Variants in MEF2B observed in about 807,000 individuals in gnomAD.
MEF2B encodes myocyte enhancer factor 2B, also known as myocyte-specific enhancer factor 2B.
A neutral mutation model predicts 32.2 loss-of-function variants in MEF2B; 15 were observed. The ratio of observed to expected loss-of-function variants is 0.47; its 90% CI spans 0.31 to 0.72. The LOEUF is 0.72. MEF2B is among the 30% of genes least tolerant of loss of function. The probability of loss-of-function intolerance (pLI) is 0.05; values close to 1 mark genes in which losing one functional copy is unlikely to be tolerated. For missense variants in MEF2B, 441 were observed against 511.5 expected (o/e 0.86, Z 1.33); for synonymous variants, 205 against 225.6 (o/e 0.91, Z 0.82).
At chr19:19,157,104 G>A (rs1439300594) in intron 1 of MEF2B, 3 of 238,100 alleles carry the variant, frequency 1.3e-5, no homozygotes, top group Non-Finnish European at 2.8e-5. Flanking sequence ...GAGCGATGAT[G>A]ATCTTGTAAG....
At chr19:19,153,472 T>C (rs935121737) in intron 1 of MEF2B, among the ~76,000 whole-genome samples, 1 of 152,048 alleles carries the variant, frequency 6.6e-6, no homozygotes, top group Non-Finnish European at 1.5e-5. Flanking sequence ...TTATCATTAT[T>C]TTGAGACAGA....
intron 1 of MEF2B, among the ~76,000 whole-genome samples, chr19:19,166,653 G>T (rs2060211229): frequency 6.6e-6 from 1 of 150,520 alleles, no homozygotes; most frequent in African/African-American, 2.4e-5. Flanking sequence ...CAGCTACTCG[G>T]GAGACTGAGG....
intron 1 of MEF2B, among the ~76,000 whole-genome samples, chr19:19,152,727 T>G (rs564373414): frequency 2.0e-5 from 3 of 152,280 alleles, no homozygotes; most frequent in Admixed American, 6.5e-5. Context: ...GAAATCCAGA[T>G]TGTTCTCTGG....
At chr19:19,160,959 C>A (rs920690162) in intron 1 of MEF2B, among the ~76,000 whole-genome samples, 1 of 152,094 alleles carries the variant, frequency 6.6e-6, no homozygotes, top group Non-Finnish European at 1.5e-5. Context: ...GGCGGCCTGG[C>A]TCAGTTCACA....
At chr19:19,162,837 G>T (rs1340231643) in intron 1 of MEF2B, among the ~76,000 whole-genome samples, 1 of 152,206 alleles carries the variant, frequency 6.6e-6, no homozygotes, top group Non-Finnish European at 1.5e-5. Context: ...CCCGCCACTT[G>T]CCCACTGCGT....
chr19:19,161,690 G>T (rs1419968734), intron 1 of MEF2B, among the ~76,000 whole-genome samples: 1 of 136,664 alleles, frequency 7.3e-6, no homozygotes, highest in Non-Finnish European at 1.5e-5. Flanking sequence ...CCCGCCAGAC[G>T]CATGCAGACT....
chr19:19,149,316 C>T lies in MEF2B; in HGVS notation c.168G>A (p.Gln56=). The part of the protein sequence containing the change: ...IIFNSANRLF[Q]YASTDMDRVL... The stretch of plus-strand genomic sequence containing the variant: ...CACGGTCCATGTCCGTGCTGGCATA[C>T]TGGAAGAGGCGGTTGGCGCTGTTGA... Residue 56 remains glutamine, a synonymous_variant, in exon 3 of 9, where the codon CAG becomes CAA. Coordinates refer to ENST00000424583, the MANE Select transcript of MEF2B (RefSeq NM_001145785.2). The T allele has an allele frequency of 6.2e-7, 1 of 1,613,952 alleles. No individual in the cohort carries two copies. Among genetic ancestry groups the T allele is most frequent in the Non-Finnish European group, 8.5e-7 (1 of 1,180,012 alleles).
intron 2 of MEF2B, among the ~76,000 whole-genome samples, chr19:19,150,134 AGGAGGGAAGGAGGGAGGGAAGGAGGGAG>A (rs2060061553): frequency 8.0e-6 from 1 of 124,578 alleles, no homozygotes; most frequent in Non-Finnish European, 1.7e-5. Flanking sequence ...GATGGAAGGA[AGGAGGGAAGGAGGGAGGGAAGGAGGGAG>A]GGAGGGAAGG....
chr19:19,167,089 G>C (rs567409998), intron 1 of MEF2B, among the ~76,000 whole-genome samples: 2 of 151,820 alleles, frequency 1.3e-5, no homozygotes, highest in Admixed American at 1.3e-4. Flanking sequence ...AGTGGCTCAC[G>C]CCTGTAATCC....
At chr19:19,156,582 C>T (rs1285138072) in intron 1 of MEF2B, among the ~76,000 whole-genome samples, 1 of 152,128 alleles carries the variant, frequency 6.6e-6, no homozygotes, top group African/African-American at 2.4e-5. Context: ...TTTCTCAAAT[C>T]TCACAGAACA....
chr19:19,164,532 G>A (rs1340026142), intron 1 of MEF2B, among the ~76,000 whole-genome samples: 1 of 152,226 alleles, frequency 6.6e-6, no homozygotes, highest in Non-Finnish European at 1.5e-5. Context: ...GCCTGTTCCA[G>A]GCCGGGTGCG....
In MEF2B at chr19:19,145,680, C is replaced by G; in HGVS notation, c.*117G>C. 1 of 1,547,518 alleles carries G rather than the reference C, an allele frequency of 6.5e-7. No homozygotes were observed. Among genetic ancestry groups the G allele is most frequent in the South Asian group, 1.2e-5 (1 of 83,968 alleles). ...CAGCCGCCCACCTCCAAGCCCCCAC[C>G]GCGGAGGGGGGCGTCACTGTTGGGT... On this transcript the variant is annotated 3_prime_UTR_variant, in exon 9 of 9. Coordinates refer to ENST00000424583, the MANE Select transcript of MEF2B (RefSeq NM_001145785.2). This position sits in a 1 kb window ranked among gnomAD's most constrained non-coding sequence, Gnocchi z 4.6.
chr19:19,166,945 T>C (rs1332776275), intron 1 of MEF2B, among the ~76,000 whole-genome samples: 1 of 152,180 alleles, frequency 6.6e-6, no homozygotes. Context: ...GGCTCACGCC[T>C]ATAATCCCAG....
intron 1 of MEF2B, among the ~76,000 whole-genome samples, chr19:19,151,807 G>A (rs894468997): frequency 8.6e-5 from 13 of 152,016 alleles, no homozygotes; most frequent in Non-Finnish European, 1.8e-4. Flanking sequence ...CCCACCACCA[G>A]GCTTGGCAAC....
chr19:19,151,706 C>A (rs2060081664), intron 1 of MEF2B, among the ~76,000 whole-genome samples: 2 of 152,340 alleles, frequency 1.3e-5, no homozygotes, highest in Middle Eastern at 3.4e-3. Context: ...GGCCTTCCCT[C>A]TGACCCTCAG....
At chr19:19,167,036 T>A (rs1254762483) in intron 1 of MEF2B, among the ~76,000 whole-genome samples, 3 of 151,914 alleles carry the variant, frequency 2.0e-5, no homozygotes, top group Non-Finnish European at 4.4e-5. Context: ...AGACCCCATA[T>A]TTATAATTTT....
Position 19,145,793 on chromosome 19 carries a change from T to C in MEF2B, c.*4A>G. 2 of 1,545,340 alleles carry C rather than the reference T, an allele frequency of 1.3e-6. No homozygotes were observed. The highest frequency in any genetic ancestry group is 2.7e-5 in the African/African-American group (2 of 73,096). ...GCTCTGGGCTGGTGCCACCGGGTGA[T>C]CTCCTACCGGGGCCAGCCGTCGGCC... On this transcript the variant is annotated 3_prime_UTR_variant, in exon 9 of 9. Coordinates refer to ENST00000424583, the MANE Select transcript of MEF2B (RefSeq NM_001145785.2). This position sits in a 1 kb window ranked among gnomAD's most constrained non-coding sequence, Gnocchi z 4.6.
Position 19,145,756 on chromosome 19 carries a change from T to A in MEF2B, c.*41A>T, listed in dbSNP as rs1202252766. The A allele has an allele frequency of 6.4e-7, 1 of 1,556,890 alleles. No individual in the cohort carries two copies. Among genetic ancestry groups the A allele is most frequent in the Non-Finnish European group, 8.7e-7 (1 of 1,150,614 alleles). ...GTGGGGTCCCCACGTGCCCTCGCCG[T>A]ACCTGGCGAGCGCTCTGGGCTGGTG... On this transcript the variant is annotated 3_prime_UTR_variant, in exon 9 of 9. Coordinates refer to ENST00000424583, the MANE Select transcript of MEF2B (RefSeq NM_001145785.2). This position sits in a 1 kb window ranked among gnomAD's most constrained non-coding sequence, Gnocchi z 4.6.
At position 19,145,914 on chromosome 19, in the gene MEF2B, G is replaced by C; in HGVS notation, c.990C>G (p.Pro330=). 1 of 1,440,224 alleles carries C rather than the reference G, an allele frequency of 6.9e-7. No homozygotes were observed. Among genetic ancestry groups the C allele is most frequent in the Non-Finnish European group, 9.1e-7 (1 of 1,095,660 alleles). 89.2% of individuals were successfully genotyped at this position (1,440,224 alleles called of 1,614,324 possible). A position where few individuals can be genotyped will look rare whatever the true frequency, so the allele number is the denominator to read the frequency against. The change falls in exon 9 of 9, where the codon CCC becomes CCG. Residue 330 remains proline, a synonymous_variant. Transcript: ENST00000424583. This position sits in a 1 kb window ranked among gnomAD's most constrained non-coding sequence, Gnocchi z 4.6. ...AGGGGAAGGTCTTAGGAAAGTCGCC[G>C]GGGCCCCCGGGGGCCGGAGAGAGGC... The part of the protein sequence containing the change: ...SERLSPAPGG[P]GDFPKTFPYP...
Sources: gnomAD v4.1 joint callset for allele counts (sites outside exome capture counted in the v4.1 genomes callset) on GRCh38, gnomAD v4.1.1 for gene constraint, Gnocchi (gnomAD v3.1) non-coding constraint, MANE v1.5 for transcripts, NCBI Gene and HGNC (gene_info 2026-07-23, HGNC 2026-07-21) for gene names.